The following CDC42EP2 variants were observed in gnomAD, a reference collection of about 807,000 sequenced individuals.
CDC42EP2 encodes CDC42 effector protein 2.
A neutral mutation model predicts 7.3 loss-of-function variants in CDC42EP2; 5 were observed. The observed-to-expected ratio is 0.68, with a 90% CI of 0.36 to 1.44. The LOEUF is 1.44. Ranked by LOEUF, CDC42EP2 falls within the 40% of genes most tolerant of loss-of-function variation. The pLI, the probability that CDC42EP2 is intolerant of heterozygous loss-of-function variation, is 0.04. For missense variants in CDC42EP2, 251 were observed against 282.6 expected, an observed-to-expected ratio of 0.89 and a Z score of 0.80; for synonymous variants, 113 against 123.6, an observed-to-expected ratio of 0.91 and a Z score of 0.57.
chr11:65,320,925 G>A lies in CDC42EP2; in HGVS notation c.27G>A (p.Leu9=). 1 of 1,608,244 alleles carries A rather than the reference G, an allele frequency of 6.2e-7. No individual in the cohort carries two copies. The highest frequency in any genetic ancestry group is 8.5e-7 in the Non-Finnish European group (1 of 1,175,434). Residue 9 remains leucine, a synonymous_variant, in exon 2 of 2, where the codon CTG becomes CTA. Coordinates refer to ENST00000279249, the MANE Select transcript of CDC42EP2 (RefSeq NM_006779.4). MSTKVPIY[L]KRGSRKGKKE... Reference sequence around the variant, plus strand: ...TGTCCACCAAGGTGCCCATCTATCTGAAGCGTGGCAGTCGCAAGGGCAAGA... The same window carrying A: ...TGTCCACCAAGGTGCCCATCTATCTAAAGCGTGGCAGTCGCAAGGGCAAGA...
chr11:65,318,961 T>C (rs373973354), intron 1 of CDC42EP2, among the ~76,000 whole-genome samples: 10 of 137,328 alleles, frequency 7.3e-5, no homozygotes, highest in African/African-American at 2.7e-4. Context: ...ACAACATGCA[T>C]ATGTGTCAGA....
rs201986552 is a variant in CDC42EP2 at position 65,321,205 on chromosome 11, C to T, written c.307C>T (p.Leu103=). Reference sequence around the variant, plus strand: ...GGAGCTCCCGGACGGCCCATCCCCTCTGCTCAAGAACGCCATCTCCCTCCC... The same window carrying T: ...GGAGCTCCCGGACGGCCCATCCCCTTTGCTCAAGAACGCCATCTCCCTCCC... ...GRELPDGPSP[L]LKNAISLPVI... is the part of the protein sequence containing the mutation. Residue 103 remains leucine (L), a synonymous_variant, in exon 2 of 2, where the codon CTG becomes TTG. Transcript: ENST00000279249. This position sits in a 1 kb window ranked among gnomAD's most constrained non-coding sequence, Gnocchi z 4.4. The T allele has an allele frequency of 2.0e-5, 33 of 1,614,080 alleles. No individual in the cohort carries two copies. Among genetic ancestry groups the T allele is most frequent in the African/African-American group, 4.0e-5 (3 of 75,050 alleles).
intron 1 of CDC42EP2, among the ~76,000 whole-genome samples, chr11:65,319,807 T>C (rs2137657506): frequency 6.6e-6 from 1 of 152,274 alleles, no homozygotes; most frequent in Non-Finnish European, 1.5e-5. Context: ...TCTCTGTCCT[T>C]GGTCAAGTAG....
chr11:65,318,476 T>C (rs1298742841), intron 1 of CDC42EP2, among the ~76,000 whole-genome samples: 1 of 146,934 alleles, frequency 6.8e-6, no homozygotes. Context: ...CAGGCTGGAG[T>C]GCAGTGGTGC....
chr11:65,318,569 G>A (rs1949958783), intron 1 of CDC42EP2, among the ~76,000 whole-genome samples: 1 of 151,850 alleles, frequency 6.6e-6, no homozygotes, highest in African/African-American at 2.4e-5. Flanking sequence ...GACTACAGGC[G>A]CCAGCCACCA....
intron 1 of CDC42EP2, among the ~76,000 whole-genome samples, chr11:65,319,406 G>A (rs1010713240): frequency 5.3e-5 from 8 of 152,184 alleles, no homozygotes; most frequent in Non-Finnish European, 1.2e-4. Context: ...GCGATTACAG[G>A]TGTGAGCCAC....
rs142534032 is a variant in CDC42EP2 at position 65,315,955 on chromosome 11, T to A, written c.-356+1001T>A. On this transcript the variant is annotated intron_variant, in intron 1 of 1. Coordinates refer to ENST00000279249, the MANE Select transcript of CDC42EP2 (RefSeq NM_006779.4). This position sits in a 1 kb window ranked among gnomAD's most constrained non-coding sequence, Gnocchi z 4.1. ...GAGGAAGGAAGGCCTTGTAGATATT[T>A]GCTGAATGAATGATAAAACCTACAG... 6.6e-5 allele frequency among the ~76,000 whole-genome samples: 10 copies of A among 152,296 alleles called. No individual in the cohort carries two copies. In the East Asian group the frequency reaches 1.9e-3, roughly 29 times the overall value.
chr11:65,320,780 T>C lies in CDC42EP2; in HGVS notation c.-119T>C. 1 of 1,090,552 alleles carries C rather than the reference T, an allele frequency of 9.2e-7. No homozygotes were observed. The highest frequency in any genetic ancestry group is 1.3e-6 in the Non-Finnish European group (1 of 768,776). The allele number at this position is 1,090,552 out of a possible 1,614,324, so 67.6% of individuals were successfully genotyped here. Reference sequence around the variant, plus strand: ...TGTAGCCAGAAGCCCGTTGGCGAGCTCTGGCACCTGCAAACCACCCCGTGG... The same window carrying C: ...TGTAGCCAGAAGCCCGTTGGCGAGCCCTGGCACCTGCAAACCACCCCGTGG... On this transcript the variant is annotated 5_prime_UTR_variant, in exon 2 of 2. Transcript: ENST00000279249.
intron 1 of CDC42EP2, among the ~76,000 whole-genome samples, chr11:65,318,263 T>A (rs943466521): frequency 2.7e-5 from 4 of 147,430 alleles, no homozygotes; most frequent in Admixed American, 6.8e-5. Flanking sequence ...ACCTGGCAAA[T>A]TTTTTTTTTG....
intron 1 of CDC42EP2, among the ~76,000 whole-genome samples, chr11:65,316,380 C>T (rs745663521): frequency 4.5e-4 from 69 of 152,140 alleles, no homozygotes; most frequent in Admixed American, 3.1e-3. Flanking sequence ...TGATGGAGAC[C>T]TCATTCTCAT....
chr11:65,320,050 G>C lies in CDC42EP2; in HGVS notation c.-355-494G>C, dbSNP rs1326073821. ...CCTGTAAGGGGAGGAGCTTGGCCCT[G>C]GTGGTGAGTCTATAAGATGCAGTAG... On this transcript the variant is annotated intron_variant, in intron 1 of 1. Transcript: ENST00000279249. Among the ~76,000 whole-genome samples the C allele has an allele frequency of 3.3e-5, 5 of 152,176 alleles. No homozygotes were observed. The South Asian group carries it at 1.0e-3, about 32-fold the overall frequency.
chr11:65,318,354 A>G (rs866781255), intron 1 of CDC42EP2, among the ~76,000 whole-genome samples: 1 of 151,152 alleles, frequency 6.6e-6, no homozygotes. Flanking sequence ...TCCCGGGTTT[A>G]AGTAATTCTT....
At position 65,315,729 on chromosome 11, in the gene CDC42EP2, C is replaced by T. The variant is rs930909877; in HGVS notation, c.-356+775C>T. 1.3e-5 allele frequency among the ~76,000 whole-genome samples: 2 copies of T among 152,220 alleles called. No individual in the cohort carries two copies. The highest frequency in any genetic ancestry group is 2.9e-5 in the Non-Finnish European group (2 of 68,040). The stretch of plus-strand genomic sequence containing the variant: ...GGAGTCCTCCGGGACACGAGGCGAT[C>T]AAGGGAGCACGCGCGCCACCTGGCG... On this transcript the variant is annotated intron_variant, in intron 1 of 1. Coordinates refer to ENST00000279249, the MANE Select transcript of CDC42EP2 (RefSeq NM_006779.4). The surrounding 1 kb of genome is among the most constrained non-coding windows in gnomAD (Gnocchi z 4.1).
chr11:65,317,613 CAT>C (rs2137654978), intron 1 of CDC42EP2, among the ~76,000 whole-genome samples: 1 of 152,182 alleles, frequency 6.6e-6, no homozygotes, highest in East Asian at 1.9e-4. Flanking sequence ...CATCTGGGCT[CAT>C]GTGTACTGGA....
chr11:65,318,348 G>A (rs1165281430), intron 1 of CDC42EP2, among the ~76,000 whole-genome samples: 4 of 151,482 alleles, frequency 2.6e-5, no homozygotes, highest in African/African-American at 9.7e-5. Context: ...TCTGCCTCCC[G>A]GGTTTAAGTA....
intron 1 of CDC42EP2, among the ~76,000 whole-genome samples, chr11:65,318,296 C>T (rs1442040857): frequency 6.6e-6 from 1 of 151,588 alleles, no homozygotes; most frequent in Non-Finnish European, 1.5e-5. Context: ...TCTCTGTTGC[C>T]CAGGCTGGAG....
At chr11:65,318,714 C>T (rs989962855) in intron 1 of CDC42EP2, among the ~76,000 whole-genome samples, 11 of 151,502 alleles carry the variant, frequency 7.3e-5, no homozygotes, top group Admixed American at 3.3e-4. Context: ...TGAACCACCG[C>T]GCCCGGCCTA....
At chr11:65,318,376 TC>T (rs530852000) in intron 1 of CDC42EP2, among the ~76,000 whole-genome samples, 25 of 150,526 alleles carry the variant, frequency 1.7e-4, no homozygotes, top group Non-Finnish European at 3.7e-4. Flanking sequence ...TGCCTCAGCC[TC>T]CCGAGTAGCT....
chr11:65,321,750 A>G lies in CDC42EP2; in HGVS notation c.*219A>G. Reference sequence around the variant, plus strand: ...TGATAACCACATGGACACATCCTGAAGTCAGCCCAGGCGCCCTGAGCATCT... The same window carrying G: ...TGATAACCACATGGACACATCCTGAGGTCAGCCCAGGCGCCCTGAGCATCT... On this transcript the variant is annotated 3_prime_UTR_variant, in exon 2 of 2. Coordinates refer to ENST00000279249, the MANE Select transcript of CDC42EP2 (RefSeq NM_006779.4). This position sits in a 1 kb window ranked among gnomAD's most constrained non-coding sequence, Gnocchi z 4.4. The G allele has an allele frequency of 1.9e-6, 1 of 524,816 alleles. No homozygotes were observed. Among genetic ancestry groups the G allele is most frequent in the Non-Finnish European group, 3.5e-6 (1 of 286,248 alleles). 32.5% of individuals were successfully genotyped at this position (524,816 alleles called of 1,614,324 possible).
Sources: gnomAD v4.1 joint callset for allele counts (sites outside exome capture counted in the v4.1 genomes callset) on GRCh38, gnomAD v4.1.1 for gene constraint, Gnocchi (gnomAD v3.1) non-coding constraint, MANE v1.5 for transcripts, NCBI Gene and HGNC (gene_info 2026-07-23, HGNC 2026-07-21) for gene names.